The following PPP1R9A variants were observed in gnomAD, a reference collection of about 807,000 sequenced individuals.
PPP1R9A encodes the protein protein phosphatase 1 regulatory subunit 9A, also known as neurabin-1.
Under a neutral mutation model 141.9 loss-of-function variants are expected in PPP1R9A, and 59 were observed. The ratio of observed to expected loss-of-function variants is 0.42; its 90% CI spans 0.34 to 0.52. The LOEUF (loss-of-function observed/expected upper bound fraction) is 0.52, where lower values mean the gene tolerates loss of function less well. Ranked by LOEUF, PPP1R9A falls within the 20% of genes least tolerant of loss-of-function variation. PPP1R9A has a pLI of 0.10. For synonymous variants in PPP1R9A, 500 were observed against 569.7 expected (o/e 0.88, Z 1.74); for missense variants, 1,444 against 1,611.9 (o/e 0.90, Z 1.78).
At chr7:95,128,679 C>G (rs191015979) in intron 4 of PPP1R9A, among the ~76,000 whole-genome samples, 2 of 152,068 alleles carry the variant, frequency 1.3e-5, no homozygotes, top group Non-Finnish European at 2.9e-5. Flanking sequence ...TGGGTTCAAG[C>G]GATTCTCCTG....
At chr7:94,921,404 G>T (rs1792805123) in intron 2 of PPP1R9A, among the ~76,000 whole-genome samples, 2 of 149,430 alleles carry the variant, frequency 1.3e-5, no homozygotes, top group African/African-American at 2.5e-5. Context: ...CTGAGAGGGC[G>T]CCACTGCACT....
At chr7:95,172,165 T>A (rs777810935) in intron 5 of PPP1R9A, among the ~76,000 whole-genome samples, 20 of 151,646 alleles carry the variant, frequency 1.3e-4, no homozygotes, top group Non-Finnish European at 2.5e-4. Flanking sequence ...GTGAAAGACC[T>A]AATGCTTTTC....
chr7:95,239,048 T>A (rs1032097462), intron 8 of PPP1R9A, among the ~76,000 whole-genome samples: 1 of 150,742 alleles, frequency 6.6e-6, no homozygotes, highest in Non-Finnish European at 1.5e-5. Context: ...TCTTTTCAAG[T>A]TTTTCTTTTT....
chr7:95,252,259 A>G, intron 12 of PPP1R9A, 129 bp downstream of exon 12: 1 of 1,030,422 alleles, frequency 9.7e-7, no homozygotes, highest in Non-Finnish European at 1.3e-6. Flanking sequence ...GAAAAGGCTT[A>G]TCAAAATAGG....
chr7:94,992,031 G>A (rs573574803), intron 2 of PPP1R9A, among the ~76,000 whole-genome samples: 3 of 152,296 alleles, frequency 2.0e-5, no homozygotes, highest in African/African-American at 7.2e-5. Flanking sequence ...TGTACTGCAC[G>A]TATTTAAAGT....
intron 2 of PPP1R9A, among the ~76,000 whole-genome samples, chr7:94,955,695 C>T: frequency 6.6e-6 from 1 of 152,098 alleles, no homozygotes; most frequent in East Asian, 1.9e-4. Flanking sequence ...AGAACTAGGA[C>T]TTAGGAGTTC....
intron 5 of PPP1R9A, among the ~76,000 whole-genome samples, chr7:95,189,102 A>G (rs1835083387): frequency 6.6e-6 from 1 of 152,140 alleles, no homozygotes; most frequent in Non-Finnish European, 1.5e-5. Context: ...GAGGATGCTA[A>G]AGTTAGGACC....
intron 5 of PPP1R9A, among the ~76,000 whole-genome samples, chr7:95,196,761 A>T (rs1400320908): frequency 4.6e-5 from 7 of 152,112 alleles, no homozygotes; most frequent in Non-Finnish European, 2.9e-5. Flanking sequence ...CAGGATGAAG[A>T]TGACTTACTG....
chr7:95,073,726 C>CAT (rs922919364), intron 2 of PPP1R9A, among the ~76,000 whole-genome samples: 16 of 127,500 alleles, frequency 1.3e-4, no homozygotes, highest in South Asian at 2.7e-4. Context: ...TATATAAATA[C>CAT]ATATATATAT....
chr7:95,018,266 C>A (rs989334941), intron 2 of PPP1R9A: 8 of 230,730 alleles, frequency 3.5e-5, no homozygotes, highest in Non-Finnish European at 5.9e-5. Flanking sequence ...CATTCAGTAA[C>A]CCTTACTCAG....
chr7:95,131,192 G>A (rs1824542390), intron 4 of PPP1R9A, among the ~76,000 whole-genome samples: 1 of 152,112 alleles, frequency 6.6e-6, no homozygotes, highest in African/African-American at 2.4e-5. Flanking sequence ...TGAATTATGG[G>A]AATGGGTCTT....
At chr7:94,965,835 G>GT (rs917197984) in intron 2 of PPP1R9A, among the ~76,000 whole-genome samples, 11 of 151,890 alleles carry the variant, frequency 7.2e-5, no homozygotes, top group African/African-American at 2.2e-4. Context: ...AATTAAAGTA[G>GT]TTTTTTTCTA....
chr7:95,256,107 G>C (rs1242367555), intron 12 of PPP1R9A, among the ~76,000 whole-genome samples: 1 of 151,288 alleles, frequency 6.6e-6, no homozygotes, highest in African/African-American at 2.4e-5. Context: ...TGTTCCCTTA[G>C]TTACTTACTG....
rs78599381 is a variant in PPP1R9A at position 95,188,605 on chromosome 7, T to G, written c.1755-9744T>G. Among the ~76,000 whole-genome samples the G allele has an allele frequency of 1.9e-3, 258 of 134,826 alleles. 1 individual carries two copies. Among genetic ancestry groups the G allele is most frequent in the African/African-American group, 6.3e-3 (227 of 35,864 alleles). 88.5% of individuals were successfully genotyped at this position (134,826 alleles called of 152,430 possible). A position where few individuals can be genotyped will look rare whatever the true frequency, so the allele number is the denominator to read the frequency against. ...GTGTGTCTGTGTTGTGTTTTGTTTT[T>G]TTTTTTTTTTTGAGACAGAATCTCA... On this transcript the variant is annotated intron_variant, in intron 5 of 19. Coordinates refer to ENST00000433360, the MANE Select transcript of PPP1R9A (RefSeq NM_001166160.2).
At chr7:95,170,306 G>T (rs992061089) in intron 5 of PPP1R9A, among the ~76,000 whole-genome samples, 7 of 151,518 alleles carry the variant, frequency 4.6e-5, no homozygotes, top group Admixed American at 1.3e-4. Context: ...TGCTAGAAAA[G>T]ATAACTGAAG....
At chr7:95,209,748 G>A (rs191620274) in intron 7 of PPP1R9A, among the ~76,000 whole-genome samples, 37 of 152,182 alleles carry the variant, frequency 2.4e-4, no homozygotes, top group Admixed American at 1.6e-3. Context: ...TGATCTGATA[G>A]CATTTTTGCA....
At chr7:94,989,998 A>G (rs1185022765) in intron 2 of PPP1R9A, among the ~76,000 whole-genome samples, 1 of 152,120 alleles carries the variant, frequency 6.6e-6, no homozygotes, top group Non-Finnish European at 1.5e-5. Context: ...TAGTTAAAAT[A>G]TGAAAAATTT....
chr7:95,229,460 G>A lies in PPP1R9A; in HGVS notation c.2112+3344G>A, dbSNP rs370858195. On this transcript the variant is annotated intron_variant, in intron 8 of 19. Coordinates refer to ENST00000433360, the MANE Select transcript of PPP1R9A (RefSeq NM_001166160.2). ...GTGAGACTGGCCTTTAGGACTCTGG[G>A]CTGCGTGGGAGCAGAGTGAGGCCTA... 2.8e-3 allele frequency among the ~76,000 whole-genome samples: 423 copies of A among 152,012 alleles called. 26 individuals are homozygous for A. The South Asian group carries it at 0.085, about 30-fold the overall frequency.
At chr7:94,935,322 A>C (rs1364267897) in intron 2 of PPP1R9A, among the ~76,000 whole-genome samples, 1 of 152,344 alleles carries the variant, frequency 6.6e-6, no homozygotes, top group East Asian at 1.9e-4. Flanking sequence ...GACTTTGTAC[A>C]GTCTAGAGCC....
Sources: allele counts gnomAD v4.1 joint callset (sites outside exome capture counted in the v4.1 genomes callset), GRCh38; gene constraint gnomAD v4.1.1; transcripts MANE v1.5; gene names NCBI Gene and HGNC (gene_info 2026-07-23, HGNC 2026-07-21).